RBM4: variants seen among roughly 807,000 people sequenced by gnomAD.
RBM4 encodes the protein RNA-binding protein 4.
A neutral mutation model predicts 29.5 loss-of-function variants in RBM4; 7 were observed. That is an observed-to-expected ratio of 0.24 (90% CI 0.14 to 0.45). The LOEUF (loss-of-function observed/expected upper bound fraction) is 0.45, where lower values mean the gene tolerates loss of function less well. RBM4 is among the 20% of genes least tolerant of loss of function. RBM4 has a pLI of 1.00. For missense variants in RBM4, 387 were observed against 502.3 expected (o/e 0.77, Z 2.19); for synonymous variants, 220 against 205.4 (o/e 1.07, Z -0.61).
Position 66,646,424 on chromosome 11 carries a change from G to A in RBM4, c.*406G>A. ...TCCAAAGGCTAGACCTATAGAGTTG[G>A]ATCACTTTTTTTCTTTCCGGTGAAA... On this transcript the variant is annotated 3_prime_UTR_variant, in exon 4 of 4. Transcript: ENST00000310092. 1.9e-6 allele frequency: 2 copies of A among 1,046,674 alleles called. No individual in the cohort carries two copies. Among genetic ancestry groups the A allele is most frequent in the Non-Finnish European group, 2.3e-6 (2 of 869,660 alleles). 64.8% of individuals were successfully genotyped at this position (1,046,674 alleles called of 1,614,324 possible).
chr11:66,666,051 C>G (rs1939220316), exon 3 of RBM4: 7 of 1,204,500 alleles, frequency 5.8e-6, no homozygotes, highest in Non-Finnish European at 8.1e-6. Context: ...ATGATGGTCA[C>G]AAGGGGTAGG....
exon 3 of RBM4, chr11:66,668,338 C>G: frequency 2.9e-6 from 1 of 349,472 alleles, no homozygotes; most frequent in Non-Finnish European, 5.2e-6. Flanking sequence ...TTCTGTAACC[C>G]AAATATGCTT....
chr11:66,639,586 TGC>T, intron 1 of RBM4, 112 bp from the exon 2 acceptor site: 5 of 1,285,844 alleles, frequency 3.9e-6, no homozygotes, highest in Non-Finnish European at 5.4e-6. Flanking sequence ...GAGGTGTGTG[TGC>T]AGGCGTGTGA....
intron 2 of RBM4, among the ~76,000 whole-genome samples, chr11:66,662,463 G>A (rs967665357): frequency 6.6e-5 from 10 of 151,948 alleles, no homozygotes; most frequent in African/African-American, 2.2e-4. Flanking sequence ...GTGCATTGGC[G>A]TGATCTTGGC....
In RBM4 at chr11:66,665,491, C is replaced by A. The variant is rs761030335; in HGVS notation, c.413-365C>A. 38 of 955,318 alleles carry A rather than the reference C, an allele frequency of 4.0e-5. No individual in the cohort carries two copies. The Middle Eastern group carries it at 1.8e-3, about 46-fold the overall frequency. 59.2% of individuals were successfully genotyped at this position (955,318 alleles called of 1,614,324 possible). A position where few individuals can be genotyped will look rare whatever the true frequency, so the allele number is the denominator to read the frequency against. On this transcript the variant is annotated intron_variant, in intron 2 of 2. Transcript: ENST00000396053. ...TCCTTTTGTTTACTGAAACATGAAG[C>A]AATGGAAACATCCCGGCAAAGGGGA...
At chr11:66,665,847 A>G in intron 2 of RBM4, 2 of 1,525,264 alleles carry the variant, frequency 1.3e-6, no homozygotes, top group Middle Eastern at 1.7e-4. Flanking sequence ...TTTCTTATCC[A>G]TCTTTTAGGC....
At chr11:66,639,135 A>C (rs1382348644) in intron 1 of RBM4, 3 of 154,052 alleles carry the variant, frequency 1.9e-5, no homozygotes, top group African/African-American at 7.2e-5. Flanking sequence ...GTTCGGCAGG[A>C]GCTAGGACGG....
chr11:66,658,947 AAT>A (rs1343680462), intron 2 of RBM4, among the ~76,000 whole-genome samples: 67 of 147,568 alleles, frequency 4.5e-4, no homozygotes, highest in African/African-American at 1.1e-3. Context: ...AAAAAAAAAA[AAT>A]ATATATATAT....
intron 2 of RBM4, among the ~76,000 whole-genome samples, chr11:66,661,546 C>T (rs1939083460): frequency 6.6e-6 from 1 of 151,862 alleles, no homozygotes; most frequent in South Asian, 2.1e-4. Context: ...CCACATATGC[C>T]TCATTCATCA....
chr11:66,643,668 TACA>T lies in RBM4; in HGVS notation c.637_639del (p.Asn213del). 1 of 1,614,176 alleles carries T rather than the reference TACA, an allele frequency of 6.2e-7. No individual in the cohort carries two copies. Among genetic ancestry groups the T allele is most frequent in the Non-Finnish European group, 8.5e-7 (1 of 1,180,032 alleles). On this transcript the variant is annotated inframe_deletion, in exon 3 of 4. Transcript: ENST00000310092. This position sits in a 1 kb window ranked among gnomAD's most constrained non-coding sequence, Gnocchi z 6.1. ...CATGAGCTATGGGGATTCATTGTAT[TACA>T]ACAACGCGTACGGAGCGCTCGATGC... is the stretch of plus-strand genomic sequence containing the variant.
chr11:66,659,927 A>G (rs941257442), intron 2 of RBM4, among the ~76,000 whole-genome samples: 1 of 150,942 alleles, frequency 6.6e-6, no homozygotes, highest in Non-Finnish European at 1.5e-5. Context: ...TGTAAATCAG[A>G]TGTTTCTTTC....
chr11:66,662,343 C>T (rs1565088671), intron 2 of RBM4, among the ~76,000 whole-genome samples: 1 of 152,168 alleles, frequency 6.6e-6, no homozygotes, highest in Non-Finnish European at 1.5e-5. Context: ...TGATATAGAA[C>T]TCTTTTGCAG....
rs141455034 is a variant in RBM4, at chr11:66,656,264, G to C, written c.413-9592G>C. 9.7e-3 allele frequency among the ~76,000 whole-genome samples: 1,483 copies of C among 152,226 alleles called. 9 individuals carry two copies. Among genetic ancestry groups the C allele is most frequent in the Non-Finnish European group, 0.017 (1,172 of 68,016 alleles). On this transcript the variant is annotated intron_variant, in intron 2 of 2. Transcript: ENST00000396053. ...CCATTCTCCCACCTCAGCCTCTGAA[G>C]TAGCTGGGACTACAGGCACCTGCCA...
At chr11:66,655,071 T>G in intron 2 of RBM4, among the ~76,000 whole-genome samples, 1 of 151,672 alleles carries the variant, frequency 6.6e-6, no homozygotes, top group South Asian at 2.1e-4. Flanking sequence ...CTGCAACCTC[T>G]GCCTCCTAGG....
At chr11:66,648,822 AT>A (rs979509605), downstream of RBM4, among the ~76,000 whole-genome samples, 1 of 149,398 alleles carries the variant, frequency 6.7e-6, no homozygotes, top group Non-Finnish European at 1.5e-5. Context: ...CAAAAAAAAA[AT>A]TTTTTTTTTA....
exon 3 of RBM4, chr11:66,665,933 A>T: frequency 6.5e-7 from 1 of 1,535,318 alleles, no homozygotes; most frequent in Non-Finnish European, 8.7e-7. Context: ...CTGCAATTTA[A>T]TTTTGGAGTC....
chr11:66,657,108 CTT>C (rs748071140), intron 2 of RBM4, among the ~76,000 whole-genome samples: 5 of 93,386 alleles, frequency 5.4e-5, no homozygotes, highest in Admixed American at 1.1e-4. Flanking sequence ...ATTTTTTAGT[CTT>C]TTTTTTTTTT....
chr11:66,653,979 C>T (rs933786971), intron 2 of RBM4, among the ~76,000 whole-genome samples: 1 of 151,994 alleles, frequency 6.6e-6, no homozygotes, highest in African/African-American at 2.4e-5. Flanking sequence ...ATCGCTTGAG[C>T]AGCCCAGGAG....
At chr11:66,644,194 A>AGGGCCCTT in intron 3 of RBM4, 54 bp downstream of exon 3, 1 of 1,550,940 alleles carries the variant, frequency 6.4e-7, no homozygotes, top group South Asian at 1.3e-5. Context: ...CCTGCAGCCT[A>AGGGCCCTT]AAGGGCTCCA....
Sources: allele counts gnomAD v4.1 joint callset (sites outside exome capture counted in the v4.1 genomes callset), GRCh38; gene constraint gnomAD v4.1.1; non-coding constraint Gnocchi (gnomAD v3.1); transcripts MANE v1.5; gene names NCBI Gene and HGNC (gene_info 2026-07-23, HGNC 2026-07-21).